LEPR: variants seen among roughly 807,000 people sequenced by gnomAD.
LEPR encodes OB receptor.
Under a neutral mutation model 114.7 loss-of-function variants are expected in LEPR, and 56 were observed. The observed-to-expected ratio is 0.49, with a 90% CI of 0.39 to 0.61. LEPR has a LOEUF of 0.61. LEPR is among the 20% of genes least tolerant of loss of function. The pLI is 0.00. For synonymous variants in LEPR, 443 were observed against 461.4 expected (o/e 0.96, Z 0.51); for missense variants, 1,202 against 1,352.9 (o/e 0.89, Z 1.75).
chr1:65,601,126 A>C (rs1656413223), intron 8 of LEPR, among the ~76,000 whole-genome samples: 1 of 152,024 alleles, frequency 6.6e-6, no homozygotes, highest in Non-Finnish European at 1.5e-5. Context: ...TACTGGCTAA[A>C]ACATATTTTA....
At chr1:65,611,297 T>C (rs1657148273) in intron 14 of LEPR, among the ~76,000 whole-genome samples, 1 of 152,156 alleles carries the variant, frequency 6.6e-6, no homozygotes, top group African/African-American at 2.4e-5. Flanking sequence ...TTCTGAACAC[T>C]TCATACAGAT....
rs1657882155 is a variant in LEPR, at chr1:65,621,471, A to T, written c.2597+13A>T. 6.2e-7 allele frequency: 1 copy of T among 1,606,608 alleles called. No individual in the cohort carries two copies. The highest frequency in any genetic ancestry group is 1.1e-5 in the South Asian group (1 of 90,934). The stretch of plus-strand genomic sequence containing the variant: ...TATCACACCAAAGGTATTGTACTTG[A>T]GGTTAAGAATCTTTACGGCAAAAGT... On this transcript the variant is annotated intron_variant, in intron 18 of 19. Coordinates refer to ENST00000349533, the MANE Select transcript of LEPR (RefSeq NM_002303.6).
intron 2 of LEPR, among the ~76,000 whole-genome samples, chr1:65,460,819 G>T (rs1646935590): frequency 6.6e-6 from 1 of 151,956 alleles, no homozygotes. Flanking sequence ...TCTGGTCTGG[G>T]TGACAGAGTG....
At chr1:65,603,925 G>T (rs1432879999) in intron 10 of LEPR, among the ~76,000 whole-genome samples, 1 of 151,890 alleles carries the variant, frequency 6.6e-6, no homozygotes, top group Non-Finnish European at 1.5e-5. Context: ...ATACATATCT[G>T]AAATTGGTAT....
intron 17 of LEPR, among the ~76,000 whole-genome samples, chr1:65,620,475 T>C (rs889100460): frequency 2.6e-5 from 4 of 152,232 alleles, no homozygotes; most frequent in African/African-American, 9.6e-5. Flanking sequence ...CTTATGGATC[T>C]TAAATACCAG....
At chr1:65,495,171 G>A (rs1648088864) in intron 2 of LEPR, among the ~76,000 whole-genome samples, 1 of 152,042 alleles carries the variant, frequency 6.6e-6, no homozygotes. Flanking sequence ...CATCCGATAA[G>A]GGGTCAATAT....
At chr1:65,442,512 C>CTT (rs1646662665) in intron 2 of LEPR, among the ~76,000 whole-genome samples, 2 of 152,168 alleles carry the variant, frequency 1.3e-5, no homozygotes, top group Non-Finnish European at 2.9e-5. Flanking sequence ...CACATGTTCT[C>CTT]AGGATCTCTT....
At chr1:65,622,844 CTG>C in intron 18 of LEPR, 60 bp from the exon 19 acceptor site, 4 of 1,566,918 alleles carry the variant, frequency 2.6e-6, no homozygotes, top group Non-Finnish European at 2.6e-6. Context: ...TGTTCACTAA[CTG>C]TTCACATTTT....
At chr1:65,488,226 C>CTCTCTCTCTCTCTCTCTCTTTCTTTCTT (rs1553157734) in intron 2 of LEPR, among the ~76,000 whole-genome samples, 1 of 67,918 alleles carries the variant, frequency 1.5e-5, no homozygotes, top group Non-Finnish European at 2.5e-5. Context: ...CTCTCTCTCT[C>CTCTCTCTCTCTCTCTCTCTTTCTTTCTT]TCTTTCTTTC....
chr1:65,483,605 G>A (rs1046809324), intron 2 of LEPR, among the ~76,000 whole-genome samples: 2 of 152,174 alleles, frequency 1.3e-5, no homozygotes, highest in Non-Finnish European at 2.9e-5. Flanking sequence ...CCAGGACTTG[G>A]TATGTATGAT....
At chr1:65,474,320 T>C (rs1018977366) in intron 2 of LEPR, among the ~76,000 whole-genome samples, 1 of 152,220 alleles carries the variant, frequency 6.6e-6, no homozygotes, top group Non-Finnish European at 1.5e-5. Flanking sequence ...CCCAGTGTAC[T>C]TAAGCCCTCT....
At chr1:65,564,395 C>A in intron 2 of LEPR, among the ~76,000 whole-genome samples, 1 of 142,636 alleles carries the variant, frequency 7.0e-6, no homozygotes, top group East Asian at 2.0e-4. Flanking sequence ...GAGGCAATGC[C>A]TCGCCCTGCT....
Position 65,592,839 on chromosome 1 carries a change from T to A in LEPR, c.677T>A (p.Leu226Gln). 6.2e-7 allele frequency: 1 copy of A among 1,613,188 alleles called. No individual in the cohort carries two copies. The highest frequency in any genetic ancestry group is 8.5e-7 in the Non-Finnish European group (1 of 1,179,336). The change falls in exon 6 of 20, where the codon CTA becomes CAA. Residue 226 changes from leucine (L) to glutamine (Q), a missense_variant. Transcript: ENST00000349533. Reference sequence around the variant, plus strand: ...GGTGGAGTAATTTTCCAGTCACCTCTAATGTCAGTTCAGCCCATAAATATG... The same window carrying A: ...GGTGGAGTAATTTTCCAGTCACCTCAAATGTCAGTTCAGCCCATAAATATG... ...TSGGVIFQSP[L>Q]MSVQPINMVK...
intron 19 of LEPR, chr1:65,634,257 C>T: frequency 1.0e-6 from 1 of 975,666 alleles, no homozygotes; most frequent in Non-Finnish European, 1.2e-6. Context: ...TTAGATTTAA[C>T]TCGTAGTTTT....
intron 2 of LEPR, among the ~76,000 whole-genome samples, chr1:65,462,187 T>A (rs1465508087): frequency 1.3e-5 from 2 of 152,124 alleles, no homozygotes; most frequent in Non-Finnish European, 2.9e-5. Flanking sequence ...ATGTGTGATG[T>A]TCCCTGCCCT....
intron 2 of LEPR, among the ~76,000 whole-genome samples, chr1:65,443,299 A>T (rs1473736844): frequency 1.3e-5 from 2 of 152,160 alleles, no homozygotes; most frequent in Non-Finnish European, 2.9e-5. Context: ...TAAGCCAATA[A>T]TCCCAGCATT....
intron 14 of LEPR, among the ~76,000 whole-genome samples, chr1:65,613,681 A>G: frequency 1.0e-5 from 1 of 99,208 alleles, no homozygotes; most frequent in South Asian, 2.8e-4. Flanking sequence ...TGAACCCAGG[A>G]AGCGGAGCTT....
intron 2 of LEPR, among the ~76,000 whole-genome samples, chr1:65,553,629 A>G (rs950567569): frequency 6.6e-6 from 1 of 151,900 alleles, no homozygotes; most frequent in African/African-American, 2.4e-5. Context: ...CCTTTTTTCA[A>G]CATTCTTAGC....
intron 2 of LEPR, among the ~76,000 whole-genome samples, chr1:65,525,255 T>C (rs1649844455): frequency 7.1e-6 from 1 of 141,442 alleles, no homozygotes; most frequent in African/African-American, 2.6e-5. Context: ...CAACTGCTGC[T>C]GCAGAGTTCT....
Sources: gnomAD v4.1 joint callset for allele counts (sites outside exome capture counted in the v4.1 genomes callset) on GRCh38, gnomAD v4.1.1 for gene constraint, MANE v1.5 for transcripts, NCBI Gene and HGNC (gene_info 2026-07-23, HGNC 2026-07-21) for gene names.